ITGA8: variants seen among roughly 807,000 people sequenced by gnomAD.
ITGA8 encodes the protein integrin alpha-8.
A neutral mutation model predicts 142.3 loss-of-function variants in ITGA8; 91 were observed. The observed-to-expected ratio is 0.64, with a 90% CI of 0.54 to 0.76. ITGA8 has a LOEUF of 0.76. ITGA8 is among the 30% of genes least tolerant of loss of function. The pLI is 0.00. For synonymous variants in ITGA8, 505 were observed against 485.2 expected, an observed-to-expected ratio of 1.04 and a Z score of -0.54; for missense variants, 1,406 against 1,327.7, an observed-to-expected ratio of 1.06 and a Z score of -0.92.
chr10:15,622,525 A>C (rs1313789860), intron 13 of ITGA8, among the ~76,000 whole-genome samples: 1 of 152,194 alleles, frequency 6.6e-6, no homozygotes, highest in Non-Finnish European at 1.5e-5. Context: ...ACATGACCAA[A>C]AATGTAGAAA....
chr10:15,641,106 T>C (rs1026732251), intron 13 of ITGA8, among the ~76,000 whole-genome samples: 1 of 152,098 alleles, frequency 6.6e-6, no homozygotes, highest in Non-Finnish European at 1.5e-5. Flanking sequence ...CAGGCTGGAG[T>C]GCAGTGGCGC....
intron 28 of ITGA8, among the ~76,000 whole-genome samples, chr10:15,524,593 A>G (rs540999921): frequency 6.6e-6 from 1 of 152,294 alleles, no homozygotes; most frequent in East Asian, 1.9e-4. Context: ...GTAAATGGCA[A>G]TGGGGCATTC....
Position 15,525,569 on chromosome 10 carries a change from G to C in ITGA8, c.2982+5481C>G, listed in dbSNP as rs1258361696. On this transcript the variant is annotated intron_variant, in intron 28 of 29. Transcript: ENST00000378076. ...AGGTAGGAGAATCACTTGAACCCGGGAGGCGGAGGTTGCAGTGAGCTGACA... is the reference window on the plus strand; with the variant it reads ...AGGTAGGAGAATCACTTGAACCCGGCAGGCGGAGGTTGCAGTGAGCTGACA... Among the ~76,000 whole-genome samples, 4 of 149,746 alleles carry C rather than the reference G, an allele frequency of 2.7e-5. No homozygotes were observed. The East Asian group carries it at 5.9e-4, about 22-fold the overall frequency.
chr10:15,665,130 C>T (rs1011410943), intron 8 of ITGA8, among the ~76,000 whole-genome samples: 36 of 152,144 alleles, frequency 2.4e-4, no homozygotes, highest in Non-Finnish European at 4.7e-4. Flanking sequence ...ACAGTTCCAC[C>T]AACAGTGTGA....
At chr10:15,686,039 C>A (rs1445306212) in intron 3 of ITGA8, among the ~76,000 whole-genome samples, 5 of 152,190 alleles carry the variant, frequency 3.3e-5, no homozygotes, top group African/African-American at 1.2e-4. Flanking sequence ...TCCAAATACT[C>A]ATCTCTAAAG....
intron 13 of ITGA8, among the ~76,000 whole-genome samples, chr10:15,630,716 T>A (rs1458437659): frequency 1.3e-5 from 2 of 151,954 alleles, no homozygotes; most frequent in Admixed American, 1.3e-4. Flanking sequence ...ATTAGTAAAT[T>A]CAAAGTGACA....
At position 15,652,448 on chromosome 10, in the gene ITGA8, T is replaced by TA. The variant is rs1491308832; in HGVS notation, c.1001+2905_1001+2906insT. 5.3e-3 allele frequency among the ~76,000 whole-genome samples: 14 copies of TA among 2,634 alleles called. 1 individual carries two copies. In the Admixed American group the frequency reaches 0.21, roughly 39 times the overall value. The allele number at this position is 2,634 out of a possible 152,430, so 1.7% of individuals were successfully genotyped here. A position where few individuals can be genotyped will look rare whatever the true frequency, so the allele number is the denominator to read the frequency against. Reference sequence around the variant, plus strand: ...GCATATCTGAAAGGCCACAGTGGGATTTTTTTTTTTTTTTCCCTGATGTTG... The same window carrying TA: ...GCATATCTGAAAGGCCACAGTGGGATATTTTTTTTTTTTTTCCCTGATGTTG... On this transcript the variant is annotated intron_variant, in intron 11 of 29. Transcript: ENST00000378076.
At chr10:15,550,565 T>G (rs1448937623) in intron 26 of ITGA8, among the ~76,000 whole-genome samples, 1 of 152,162 alleles carries the variant, frequency 6.6e-6, no homozygotes, top group Non-Finnish European at 1.5e-5. Flanking sequence ...CATGAAGGTA[T>G]GAATGGGAGG....
intron 13 of ITGA8, among the ~76,000 whole-genome samples, chr10:15,636,559 C>A (rs1833775287): frequency 6.6e-6 from 1 of 152,210 alleles, no homozygotes; most frequent in Non-Finnish European, 1.5e-5. Context: ...ATCCCCCAAT[C>A]TGTCCATGAG....
rs550901222 is a variant in ITGA8, at chr10:15,601,131, C to T, written c.2118+3077G>A. On this transcript the variant is annotated intron_variant, in intron 20 of 29. Coordinates refer to ENST00000378076, the MANE Select transcript of ITGA8 (RefSeq NM_003638.3). ...GTGGGCGCCTGTAATCCCAGCTACC[C>T]GGGAGGCTGAGGCAGGAGAATCACT... Among the ~76,000 whole-genome samples, 14 of 151,892 alleles carry T rather than the reference C, an allele frequency of 9.2e-5. No homozygotes were observed. The East Asian group carries it at 1.4e-3, about 15-fold the overall frequency.
intron 28 of ITGA8, among the ~76,000 whole-genome samples, chr10:15,523,908 A>T (rs2131534061): frequency 6.6e-6 from 1 of 152,248 alleles, no homozygotes; most frequent in South Asian, 2.1e-4. Context: ...CTCCAGCCTG[A>T]GCAACAGAGC....
At chr10:15,691,136 G>T (rs1225302068) in intron 2 of ITGA8, among the ~76,000 whole-genome samples, 2 of 152,122 alleles carry the variant, frequency 1.3e-5, no homozygotes, top group Non-Finnish European at 2.9e-5. Context: ...TTAAACCTCT[G>T]TAAGACATCA....
At chr10:15,650,597 A>T (rs921990890) in intron 11 of ITGA8, among the ~76,000 whole-genome samples, 4 of 152,194 alleles carry the variant, frequency 2.6e-5, no homozygotes, top group Non-Finnish European at 4.4e-5. Context: ...TTGGACTTCC[A>T]GCCTCCAGAA....
At chr10:15,680,097 C>G (rs1426018488) in intron 4 of ITGA8, among the ~76,000 whole-genome samples, 9 of 151,930 alleles carry the variant, frequency 5.9e-5, no homozygotes, top group Non-Finnish European at 5.9e-5. Flanking sequence ...TGTTCAGAAG[C>G]TTTTTGAAAT....
intron 3 of ITGA8, among the ~76,000 whole-genome samples, chr10:15,685,347 G>A (rs1015486906): frequency 6.6e-6 from 1 of 152,290 alleles, no homozygotes; most frequent in African/African-American, 2.4e-5. Context: ...CTTATTTCCA[G>A]CTAACATATA....
At chr10:15,586,746 A>T (rs1207815996) in intron 22 of ITGA8, 82 bp from the exon 23 acceptor site, 2 of 795,966 alleles carry the variant, frequency 2.5e-6, no homozygotes, top group African/African-American at 3.4e-5. Flanking sequence ...CATTCTACAT[A>T]TCACAGGAGA....
chr10:15,528,193 C>T (rs891400749), intron 28 of ITGA8, among the ~76,000 whole-genome samples: 2 of 152,134 alleles, frequency 1.3e-5, no homozygotes, highest in Non-Finnish European at 2.9e-5. Context: ...GCCTTGGCCT[C>T]CCAAAGTGCT....
At chr10:15,575,312 C>T (rs926612089) in intron 24 of ITGA8, among the ~76,000 whole-genome samples, 177 bp downstream of exon 24, 2 of 152,074 alleles carry the variant, frequency 1.3e-5, no homozygotes, top group African/African-American at 4.8e-5. Context: ...ATTGTTTGAG[C>T]CCAGAAAGTC....
intron 8 of ITGA8, among the ~76,000 whole-genome samples, chr10:15,663,981 A>G (rs1171792721): frequency 2.0e-5 from 3 of 152,164 alleles, no homozygotes; most frequent in African/African-American, 4.8e-5. Flanking sequence ...TCAAGGCGCT[A>G]GTTACTCAAT....
Sources: allele counts gnomAD v4.1 joint callset (sites outside exome capture counted in the v4.1 genomes callset), GRCh38; gene constraint gnomAD v4.1.1; transcripts MANE v1.5; gene names NCBI Gene and HGNC (gene_info 2026-07-23, HGNC 2026-07-21).